Variants in CHD9 observed in about 807,000 individuals in gnomAD.
CHD9 encodes the protein ATP-dependent chromatin remodeler CHD9.
CHD9 carries 77 observed loss-of-function variants against 316.1 expected under a neutral mutation model. The observed-to-expected ratio is 0.24, with a 90% CI of 0.20 to 0.29. The LOEUF is 0.29. CHD9 is among the 10% of genes least tolerant of loss of function. The pLI is 1.00. For synonymous variants in CHD9, 1,129 were observed against 1,158.3 expected (o/e 0.97, Z 0.51); for missense variants, 2,763 against 3,438.1 (o/e 0.80, Z 4.91).
chr16:53,230,852 AAAG>A (rs2048108827), intron 8 of CHD9, among the ~76,000 whole-genome samples: 1 of 152,202 alleles, frequency 6.6e-6, no homozygotes, highest in Non-Finnish European at 1.5e-5. Flanking sequence ...GGGTAAAGAA[AAAG>A]AAGGAATCTA....
intron 3 of CHD9, 65 bp downstream of exon 3, chr16:53,209,878 C>T (rs1314768261): frequency 3.0e-5 from 35 of 1,152,198 alleles, no homozygotes; most frequent in Non-Finnish European, 4.2e-5. Context: ...ACTGTCCAAC[C>T]ATCTACTTTT....
rs532417159 is a variant in CHD9 at position 53,194,407 on chromosome 16, T to C, written c.1453-15075T>C. ...CTGGGCAACATGGTGAAACCTTGTC[T>C]CTATAAAAATACAAAAATTATCCAG... On this transcript the variant is annotated intron_variant, in intron 2 of 38. Coordinates refer to ENST00000447540, the MANE Select transcript of CHD9 (RefSeq NM_001308319.2). Among the ~76,000 whole-genome samples the C allele has an allele frequency of 3.9e-5, 6 of 152,082 alleles. No homozygotes were observed. In the East Asian group the frequency reaches 1.2e-3, roughly 30 times the overall value.
rs1479571079 is a variant in CHD9 at position 53,102,229 on chromosome 16, G to T, written c.-165+47152G>T. ...TTGGTAGGAGTCACTTCACCTCTTT[G>T]GCCCTATGTTTCTCTACATTTAGGA... On this transcript the variant is annotated intron_variant, in intron 1 of 38. Coordinates refer to ENST00000447540, the MANE Select transcript of CHD9 (RefSeq NM_001308319.2). 2.6e-5 allele frequency among the ~76,000 whole-genome samples: 4 copies of T among 152,002 alleles called. No individual in the cohort carries two copies. The East Asian group carries it at 7.7e-4, about 29-fold the overall frequency.
At chr16:53,196,217 C>CA (rs1480642439) in intron 2 of CHD9, among the ~76,000 whole-genome samples, 1 of 152,082 alleles carries the variant, frequency 6.6e-6, no homozygotes, top group Admixed American at 6.6e-5. Flanking sequence ...TGTTTATTTT[C>CA]ATGAAATTGT....
At chr16:53,180,455 G>A (rs2043416064) in intron 2 of CHD9, among the ~76,000 whole-genome samples, 1 of 152,144 alleles carries the variant, frequency 6.6e-6, no homozygotes, top group Non-Finnish European at 1.5e-5. Context: ...ATCTTCAGGG[G>A]AGAGAAATAT....
At chr16:53,183,286 C>T (rs2043686131) in intron 2 of CHD9, among the ~76,000 whole-genome samples, 1 of 152,086 alleles carries the variant, frequency 6.6e-6, no homozygotes, top group South Asian at 2.1e-4. Context: ...AAACCTCAGG[C>T]CCATTGACAT....
intron 2 of CHD9, among the ~76,000 whole-genome samples, chr16:53,205,640 G>T (rs2045838013): frequency 6.6e-6 from 1 of 152,204 alleles, no homozygotes; most frequent in Non-Finnish European, 1.5e-5. Context: ...TTTCATCATA[G>T]ATTTATTAAG....
At chr16:53,295,230 A>G (rs2054669669) in intron 29 of CHD9, among the ~76,000 whole-genome samples, 2 of 152,084 alleles carry the variant, frequency 1.3e-5, no homozygotes, top group Admixed American at 1.3e-4. Flanking sequence ...GGGTTCAAGC[A>G]ATTCTCCTGC....
chr16:53,249,777 T>C (rs2049978077), intron 16 of CHD9, 94 bp from the exon 17 acceptor site: 1 of 979,846 alleles, frequency 1.0e-6, no homozygotes, highest in Admixed American at 2.0e-5. Flanking sequence ...AGAGAAAACA[T>C]AATGCTGCAG....
intron 1 of CHD9, among the ~76,000 whole-genome samples, chr16:53,059,493 T>C (rs1205746500): frequency 1.3e-5 from 2 of 152,130 alleles, no homozygotes; most frequent in Non-Finnish European, 2.9e-5. Context: ...ATATTACTGG[T>C]ATAAAGACAT....
chr16:53,202,397 T>TC (rs1488880175), intron 2 of CHD9, among the ~76,000 whole-genome samples: 1 of 135,894 alleles, frequency 7.4e-6, no homozygotes. Context: ...TCTCTCTCTC[T>TC]TTTTTTTTTT....
chr16:53,208,831 A>T (rs1055312452), intron 2 of CHD9: 3 of 528,126 alleles, frequency 5.7e-6, no homozygotes, highest in Non-Finnish European at 7.3e-6. Context: ...AATAATTTTA[A>T]TGTAAAACTG....
intron 1 of CHD9, among the ~76,000 whole-genome samples, chr16:53,150,092 T>A (rs2040974911): frequency 6.6e-6 from 1 of 152,158 alleles, no homozygotes; most frequent in African/African-American, 2.4e-5. Context: ...ATTTCATTCA[T>A]TTACATTTAA....
chr16:53,316,481 C>G (rs1200423295), intron 36 of CHD9, among the ~76,000 whole-genome samples: 1 of 152,100 alleles, frequency 6.6e-6, no homozygotes, highest in East Asian at 1.9e-4. Flanking sequence ...CTTGTATATC[C>G]ATTCATCATT....
At chr16:53,209,451 T>TTCTATAAA in intron 2 of CHD9, 31 bp from the exon 3 acceptor site, 12 of 1,412,972 alleles carry the variant, frequency 8.5e-6, no homozygotes, top group South Asian at 4.0e-5. Flanking sequence ...TACTTTGGTA[T>TTCTATAAA]ATTCTATAAA....
At chr16:53,273,914 A>G in intron 23 of CHD9, 129 bp downstream of exon 23, 2 of 841,982 alleles carry the variant, frequency 2.4e-6, no homozygotes, top group Non-Finnish European at 3.7e-6. Flanking sequence ...TCCTAATTTT[A>G]CAAGGTATCC....
In CHD9 at chr16:53,229,090, T is replaced by A. The variant is rs763379901; in HGVS notation, c.2276T>A (p.Phe759Tyr). The A allele has an allele frequency of 3.2e-6, 5 of 1,567,378 alleles. 1 individual carries two copies. In the South Asian group the frequency reaches 6.0e-5, roughly 19 times the overall value. ...TTGAGACAAGCACAAAGAGCACATT[T>A]TTTTGCAGACGTAAGAAAAAAATAA... is the stretch of plus-strand genomic sequence containing the variant. ...FKLRQAQRAH[F>Y]FADMEEEPFN... The change falls in exon 8 of 39, where the codon TTT becomes TAT. Residue 759 changes from phenylalanine (F) to tyrosine (Y), a missense_variant. Physicochemically the swap from Phe to Tyr is conservative, Grantham distance 22. Around this residue, in one of 15 missense-constraint regions of CHD9, gnomAD observed 859 missense variants for 890.4 expected, o/e 0.96. Coordinates refer to ENST00000447540, the MANE Select transcript of CHD9 (RefSeq NM_001308319.2).
chr16:53,241,339 T>C (rs1229196895), intron 12 of CHD9, among the ~76,000 whole-genome samples: 1 of 152,220 alleles, frequency 6.6e-6, no homozygotes. Context: ...TATCTAAACT[T>C]TGGGGTAACC....
chr16:53,183,778 ACAATG>A lies in CHD9; in HGVS notation c.1453-25699_1453-25695del, dbSNP rs2043737946. On this transcript the variant is annotated intron_variant, in intron 2 of 38. Coordinates refer to ENST00000447540, the MANE Select transcript of CHD9 (RefSeq NM_001308319.2). ...AAAATACAATACAATACAATACAAT[ACAATG>A]CAATACAATGCAAATACATCTCCTT... Among the ~76,000 whole-genome samples the A allele has an allele frequency of 3.9e-5, 6 of 152,142 alleles. No individual in the cohort carries two copies. In the South Asian group the frequency reaches 1.2e-3, roughly 32 times the overall value.
Sources: allele counts gnomAD v4.1 joint callset (sites outside exome capture counted in the v4.1 genomes callset), GRCh38; gene constraint gnomAD v4.1.1; regional missense constraint gnomAD v4.1.1; transcripts MANE v1.5; gene names NCBI Gene and HGNC (gene_info 2026-07-23, HGNC 2026-07-21).